The following KLRG1 variants were observed in gnomAD, a reference collection of about 807,000 sequenced individuals.
KLRG1 encodes the protein killer cell lectin-like receptor subfamily G member 1.
KLRG1 carries 16 observed loss-of-function variants against 21.8 expected under a neutral mutation model. The ratio of observed to expected loss-of-function variants is 0.73; its 90% CI spans 0.50 to 1.11. KLRG1 has a LOEUF of 1.11. Among genes scored for constraint, KLRG1 ranks in the 50% most tolerant of loss-of-function variants. The pLI, the probability that KLRG1 is intolerant of heterozygous loss-of-function variation, is 0.00. For synonymous variants in KLRG1, 69 were observed against 75.9 expected (o/e 0.91, Z 0.47); for missense variants, 173 against 218.3 (o/e 0.79, Z 1.31).
chr12:9,212,886 A>G, the KLRG1 span, among the ~76,000 whole-genome samples: 1 of 152,182 alleles, frequency 6.6e-6, no homozygotes, highest in African/African-American at 2.4e-5. Context: ...AATTATTACC[A>G]CTATGAAATT....
At chr12:9,022,641 C>T in the KLRG1 span, among the ~76,000 whole-genome samples, 1 of 152,184 alleles carries the variant, frequency 6.6e-6, no homozygotes, top group East Asian at 1.9e-4. Flanking sequence ...TTTTTAGCCC[C>T]ACCCCTCAAC....
chr12:8,955,955 A>G (rs1039780986), intron 1 of KLRG1, among the ~76,000 whole-genome samples: 2 of 152,138 alleles, frequency 1.3e-5, no homozygotes, highest in African/African-American at 4.8e-5. Flanking sequence ...CAGGCTGCCT[A>G]TGGACCAATC....
At chr12:9,214,456 C>T in the KLRG1 span, among the ~76,000 whole-genome samples, 1 of 152,004 alleles carries the variant, frequency 6.6e-6, no homozygotes, top group African/African-American at 2.4e-5. Context: ...ATTAAGTCTT[C>T]CAACTCGTGA....
At chr12:9,140,479 T>C in the KLRG1 span, among the ~76,000 whole-genome samples, 3 of 152,242 alleles carry the variant, frequency 2.0e-5, no homozygotes, top group South Asian at 6.2e-4. Flanking sequence ...TGTTATTTTC[T>C]GCCAGTAACC....
At chr12:9,084,702 G>A in the KLRG1 span, among the ~76,000 whole-genome samples, 1 of 151,978 alleles carries the variant, frequency 6.6e-6, no homozygotes. Context: ...AATGCAAATG[G>A]ACTAAATTCC....
At chr12:9,073,482 T>C in the KLRG1 span, among the ~76,000 whole-genome samples, 1 of 152,240 alleles carries the variant, frequency 6.6e-6, no homozygotes, top group African/African-American at 2.4e-5. Context: ...CTCAACAACA[T>C]TAAACCTGCT....
At chr12:9,117,581 A>G in the KLRG1 span, among the ~76,000 whole-genome samples, 3 of 152,162 alleles carry the variant, frequency 2.0e-5, no homozygotes, top group African/African-American at 7.2e-5. Flanking sequence ...CAGAAGAAAC[A>G]CAGATTGGTG....
chr12:9,019,983 C>G, the KLRG1 span, among the ~76,000 whole-genome samples: 1 of 152,150 alleles, frequency 6.6e-6, no homozygotes, highest in African/African-American at 2.4e-5. Flanking sequence ...CTTTTCAACT[C>G]TTTCCAAGCT....
the KLRG1 span, among the ~76,000 whole-genome samples, chr12:9,056,187 G>A: frequency 7.5e-3 from 1,143 of 152,248 alleles, 24 homozygotes; most frequent in African/African-American, 0.026. Flanking sequence ...GAGCTTCAAC[G>A]GGACAGGGCT....
the KLRG1 span, among the ~76,000 whole-genome samples, chr12:9,065,404 T>C: frequency 0.32 from 47,928 of 151,836 alleles, 7,993 homozygotes; most frequent in Admixed American, 0.36. Context: ...GCCTGGCTTC[T>C]CTCCACTGTT....
the KLRG1 span, among the ~76,000 whole-genome samples, chr12:9,139,561 T>C: frequency 1.3e-5 from 2 of 152,218 alleles, no homozygotes; most frequent in Non-Finnish European, 2.9e-5. Flanking sequence ...TTGCTCCCTA[T>C]TTCTCTTTTC....
At chr12:9,062,017 CTGATA>C in the KLRG1 span, among the ~76,000 whole-genome samples, 1 of 151,314 alleles carries the variant, frequency 6.6e-6, no homozygotes, top group Non-Finnish European at 1.5e-5. Flanking sequence ...GATAATATAT[CTGATA>C]TATTTATATA....
chr12:9,148,675 A>G, the KLRG1 span, among the ~76,000 whole-genome samples: 1 of 151,890 alleles, frequency 6.6e-6, no homozygotes, highest in East Asian at 1.9e-4. Context: ...ACCTTTCTCA[A>G]CTGAATTTTC....
At chr12:8,968,831 AT>A (rs1383246946) in intron 1 of KLRG1, among the ~76,000 whole-genome samples, 1 of 152,200 alleles carries the variant, frequency 6.6e-6, no homozygotes, top group Non-Finnish European at 1.5e-5. Flanking sequence ...ATATTTGAAA[AT>A]TAACAGTTTT....
upstream of KLRG1, among the ~76,000 whole-genome samples, chr12:8,986,301 G>A (rs10842660): frequency 0.35 from 52,901 of 151,998 alleles, 10,606 homozygotes; most frequent in South Asian, 0.44. Context: ...TTTATCCATA[G>A]TGTACTCTTT....
the KLRG1 span, among the ~76,000 whole-genome samples, chr12:9,094,364 T>TATATAC: frequency 6.9e-6 from 1 of 145,742 alleles, no homozygotes; most frequent in Non-Finnish European, 1.5e-5. Flanking sequence ...TATATATATA[T>TATATAC]ATATATATAT....
At chr12:9,193,647 T>G in the KLRG1 span, among the ~76,000 whole-genome samples, 1 of 152,336 alleles carries the variant, frequency 6.6e-6, no homozygotes, top group African/African-American at 2.4e-5. Context: ...ATCACTTCTT[T>G]GAGATAACAA....
upstream of KLRG1, among the ~76,000 whole-genome samples, chr12:8,985,388 G>T (rs919010400): frequency 3.9e-5 from 6 of 152,164 alleles, no homozygotes; most frequent in African/African-American, 7.2e-5. Context: ...TGTGGTAGGG[G>T]TGTTCCCCAC....
chr12:9,017,259 C>G, the KLRG1 span, among the ~76,000 whole-genome samples: 1 of 60,132 alleles, frequency 1.7e-5, no homozygotes, highest in Non-Finnish European at 3.0e-5. Flanking sequence ...AGTGAAACTC[C>G]ATCTCAAAAA....
Sources: allele counts gnomAD v4.1 joint callset (sites outside exome capture counted in the v4.1 genomes callset), GRCh38; gene constraint gnomAD v4.1.1; transcripts MANE v1.5; gene names NCBI Gene and HGNC (gene_info 2026-07-23, HGNC 2026-07-21).